TULP4: variants seen among roughly 807,000 people sequenced by gnomAD.
TULP4 encodes TUB like protein 4.
A neutral mutation model predicts 129.0 loss-of-function variants in TULP4; 16 were observed. The ratio of observed to expected loss-of-function variants is 0.12; its 90% CI spans 0.08 to 0.19. The LOEUF (loss-of-function observed/expected upper bound fraction) is 0.19, where lower values mean the gene tolerates loss of function less well. Among genes scored for constraint, TULP4 ranks in the 10% least tolerant of loss-of-function variants. The pLI is 1.00. For synonymous variants in TULP4, 998 were observed against 854.0 expected, an observed-to-expected ratio of 1.17 and a Z score of -2.94; for missense variants, 1,842 against 2,059.1, an observed-to-expected ratio of 0.89 and a Z score of 2.04.
chr6:158,291,034 A>G (rs1235643776), intron 1 of TULP4, among the ~76,000 whole-genome samples: 1 of 152,238 alleles, frequency 6.6e-6, no homozygotes, highest in East Asian at 1.9e-4. Flanking sequence ...GTACCTATAA[A>G]GCATTAAGAG....
chr6:158,313,894 A>T lies in TULP4; in HGVS notation c.-123A>T. The T allele has an allele frequency of 3.6e-6, 4 of 1,102,836 alleles. No homozygotes were observed. The highest frequency in any genetic ancestry group is 2.6e-5 in the East Asian group (1 of 39,168). 68.3% of individuals were successfully genotyped at this position (1,102,836 alleles called of 1,614,324 possible). On this transcript the variant is annotated 5_prime_UTR_variant, in exon 1 of 14. Coordinates refer to ENST00000367097, the MANE Select transcript of TULP4 (RefSeq NM_020245.5). The stretch of plus-strand genomic sequence containing the variant: ...TTCTAATTAGATTCAGGTCAGTCTT[A>T]ATTAAAGGGGGAAAAAAGCAACGCA...
At chr6:158,317,341 C>A (rs6911951) in intron 1 of TULP4, among the ~76,000 whole-genome samples, 7,363 of 142,384 alleles carry the variant, frequency 0.052, 234 homozygotes, top group African/African-American at 0.084. Context: ...GACAGGCCCC[C>A]ATATGTGATG....
intron 1 of TULP4, among the ~76,000 whole-genome samples, chr6:158,358,669 G>A (rs1780701476): frequency 1.3e-5 from 2 of 152,200 alleles, no homozygotes; most frequent in Non-Finnish European, 2.9e-5. Context: ...CACTCAAAGA[G>A]CTCTTACTTG....
At chr6:158,354,299 TA>T (rs2114811668) in intron 1 of TULP4, among the ~76,000 whole-genome samples, 1 of 152,330 alleles carries the variant, frequency 6.6e-6, no homozygotes, top group East Asian at 1.9e-4. Context: ...TTATGTGTTT[TA>T]TGTTTTTTTA....
chr6:158,290,399 A>G (rs62439868), intron 1 of TULP4, among the ~76,000 whole-genome samples: 142 of 152,210 alleles, frequency 9.3e-4, no homozygotes, highest in Non-Finnish European at 1.7e-3. Flanking sequence ...AGTTCCTTAT[A>G]TATTCTAGTT....
At chr6:158,248,034 A>C (rs745372902) in intron 1 of TULP4, among the ~76,000 whole-genome samples, 1 of 152,246 alleles carries the variant, frequency 6.6e-6, no homozygotes, top group Non-Finnish European at 1.5e-5. Flanking sequence ...TGCTGTGCGC[A>C]CAAAACCCAT....
At position 158,492,222 on chromosome 6, in the gene TULP4, G is replaced by A. The variant is rs140855702; in HGVS notation, c.1632-1351G>A. 2.3e-3 allele frequency among the ~76,000 whole-genome samples: 356 copies of A among 152,288 alleles called. 1 individual carries two copies. The highest frequency in any genetic ancestry group is 0.016 in the East Asian group (85 of 5,186). The stretch of plus-strand genomic sequence containing the variant: ...TCTGTATGGCCATATAGTCCAGCAC[G>A]TGGCATTCTTCTTTTGTGGTTAGTG... On this transcript the variant is annotated intron_variant, in intron 9 of 13. Transcript: ENST00000367097.
chr6:158,244,411 C>T (rs1777987157), intron 1 of TULP4, among the ~76,000 whole-genome samples: 1 of 152,016 alleles, frequency 6.6e-6, no homozygotes, highest in African/African-American at 2.4e-5. Context: ...TGTTTGAGTC[C>T]CCCTACCCCC....
intron 8 of TULP4, among the ~76,000 whole-genome samples, chr6:158,484,349 C>A (rs1174934716): frequency 6.6e-6 from 1 of 151,162 alleles, no homozygotes; most frequent in Non-Finnish European, 1.5e-5. Flanking sequence ...CAGGGTCTCA[C>A]CGTGTTTCCC....
At chr6:158,276,073 G>C (rs139359012) in intron 1 of TULP4, among the ~76,000 whole-genome samples, 31 of 152,136 alleles carry the variant, frequency 2.0e-4, no homozygotes, top group Middle Eastern at 3.4e-3. Flanking sequence ...GAGTTTAAGC[G>C]ACTCTCCTGT....
rs573770527 is a variant in TULP4 at position 158,334,651 on chromosome 6, C to T, written c.252+20383C>T. Among the ~76,000 whole-genome samples, 4 of 152,248 alleles carry T rather than the reference C, an allele frequency of 2.6e-5. No homozygotes were observed. The South Asian group carries it at 8.3e-4, about 32-fold the overall frequency. On this transcript the variant is annotated intron_variant, in intron 1 of 13. Coordinates refer to ENST00000367097, the MANE Select transcript of TULP4 (RefSeq NM_020245.5). ...GTTAAATACGGAAGCTCCTAAGTTG[C>T]TTATATTGATTACCCTCTACTCCCC...
chr6:158,334,559 T>C (rs1205951375), intron 1 of TULP4, among the ~76,000 whole-genome samples: 1 of 151,532 alleles, frequency 6.6e-6, no homozygotes, highest in East Asian at 1.9e-4. Flanking sequence ...GTAAAAGTTA[T>C]ATGCAGATCT....
At chr6:158,496,975 A>C (rs576436816) in intron 11 of TULP4, among the ~76,000 whole-genome samples, 1 of 152,308 alleles carries the variant, frequency 6.6e-6, no homozygotes, top group African/African-American at 2.4e-5. Context: ...AGCCTGTACT[A>C]GCTAGGACTG....
chr6:158,277,462 A>T (rs1778668348), upstream of TULP4, among the ~76,000 whole-genome samples: 1 of 152,226 alleles, frequency 6.6e-6, no homozygotes, highest in East Asian at 1.9e-4. Flanking sequence ...CTTCTCTAGA[A>T]ATATTTTTTC....
At chr6:158,409,412 C>T (rs942645594) in intron 1 of TULP4, among the ~76,000 whole-genome samples, 3 of 152,144 alleles carry the variant, frequency 2.0e-5, no homozygotes, top group African/African-American at 7.2e-5. Context: ...GCTAATACCC[C>T]AAGACAGAAG....
rs1317132520 is a variant in TULP4 at position 158,502,002 on chromosome 6, A to G, written c.2339A>G (p.Gln780Arg). Residue 780 changes from glutamine to arginine, a missense_variant, in exon 13 of 14, where the codon CAG becomes CGG. Gln to Arg is a conservative substitution (Grantham distance 43). This residue lies in a region of TULP4 where 1,089 missense variants were observed against 987.1 expected (regional missense o/e 1.10). Transcript: ENST00000367097. ...CCACTGTCCCTGCCTCCCCCGCCGC[A>G]GGGGCCCATGCAGCTGTCCACGGTG... ...PPPLSLPPPP[Q>R]GPMQLSTVGH... 7 of 1,606,098 alleles carry G rather than the reference A, an allele frequency of 4.4e-6. No homozygotes were observed. Among genetic ancestry groups the G allele is most frequent in the Non-Finnish European group, 5.1e-6 (6 of 1,177,778 alleles).
chr6:158,359,816 ATC>A (rs1780742041), intron 1 of TULP4, among the ~76,000 whole-genome samples: 1 of 152,218 alleles, frequency 6.6e-6, no homozygotes, highest in Non-Finnish European at 1.5e-5. Context: ...CCCAGAATTT[ATC>A]TTCTCTTCCC....
intron 1 of TULP4, among the ~76,000 whole-genome samples, chr6:158,236,415 C>CT (rs1777700948): frequency 6.6e-6 from 1 of 152,120 alleles, no homozygotes; most frequent in South Asian, 2.1e-4. Context: ...GAAAAATGGG[C>CT]TAAGGACATG....
rs34480077 is a variant in TULP4 at position 158,337,128 on chromosome 6, C to CTTTTT, written c.252+22878_252+22882dup. ...TTTTTCTCTCTCTCTCTTTCTTTCT[C>CTTTTT]TTTTTTTTTTTTTTTTTTTTTTGAG... On this transcript the variant is annotated intron_variant, in intron 1 of 13. Coordinates refer to ENST00000367097, the MANE Select transcript of TULP4 (RefSeq NM_020245.5). Among the ~76,000 whole-genome samples, 13 of 73,852 alleles carry CTTTTT rather than the reference C, an allele frequency of 1.8e-4. 2 individuals are homozygous for CTTTTT. The highest frequency in any genetic ancestry group is 4.4e-4 in the Admixed American group (2 of 4,556). The allele number at this position is 73,852 out of a possible 152,430, so 48.4% of individuals were successfully genotyped here.
Sources: allele counts gnomAD v4.1 joint callset (sites outside exome capture counted in the v4.1 genomes callset), GRCh38; gene constraint gnomAD v4.1.1; regional missense constraint gnomAD v4.1.1; transcripts MANE v1.5; gene names NCBI Gene and HGNC (gene_info 2026-07-23, HGNC 2026-07-21).